SELENOI: variants seen among roughly 807,000 people sequenced by gnomAD.
The protein encoded by SELENOI is selenoprotein I.
SELENOI carries 24 observed loss-of-function variants against 50.7 expected under a neutral mutation model. The ratio of observed to expected loss-of-function variants is 0.47; its 90% CI spans 0.34 to 0.67. The LOEUF (loss-of-function observed/expected upper bound fraction) is 0.67, where lower values mean the gene tolerates loss of function less well. Among genes scored for constraint, SELENOI ranks in the 30% least tolerant of loss-of-function variants. SELENOI has a pLI of 0.01. For synonymous variants in SELENOI, 155 were observed against 170.2 expected (o/e 0.91, Z 0.70); for missense variants, 352 against 461.4 (o/e 0.76, Z 2.17).
Position 26,390,251 on chromosome 2 carries a change from G to T in SELENOI, c.*1148G>T, listed in dbSNP as rs962906365. ...TAAAAATCCCTTTAATTGTAGTGTA[G>T]TTGTTCTATAAACCATATTTTTTCA... On this transcript the variant is annotated 3_prime_UTR_variant, in exon 10 of 10. Transcript: ENST00000260585. 1 of 152,190 alleles carries T rather than the reference G, an allele frequency of 6.6e-6. No homozygotes were observed. Among genetic ancestry groups the T allele is most frequent in the Non-Finnish European group, 1.5e-5 (1 of 67,978 alleles). 9.4% of individuals were successfully genotyped at this position (152,190 alleles called of 1,614,324 possible). A position where few individuals can be genotyped will look rare whatever the true frequency, so the allele number is the denominator to read the frequency against.
chr2:26,373,511 G>T lies in SELENOI; in HGVS notation c.455G>T (p.Ser152Ile). 2 of 1,614,010 alleles carry T rather than the reference G, an allele frequency of 1.2e-6. No homozygotes were observed. The highest frequency in any genetic ancestry group is 1.7e-6 in the Non-Finnish European group (2 of 1,179,884). The change falls in exon 5 of 10, where the codon AGT (serine) becomes ATT (isoleucine). Residue 152 changes from serine (S) to isoleucine (I), a missense_variant. By Grantham distance (142) the Ser-to-Ile change is moderately radical. Transcript: ENST00000260585. ...TTTGGAAGAGGATCAACTGGTGTCA[G>T]TGTTTTTGTTCTTTATCTCCTGCTA... Reference protein sequence around the residue: ...SIFGRGSTGVSVFVLYLLLWV... With the variant: ...SIFGRGSTGVIVFVLYLLLWV...
chr2:26,373,658 A>G (rs751259315), intron 5 of SELENOI, 29 bp downstream of exon 5: 3 of 1,600,618 alleles, frequency 1.9e-6, no homozygotes, highest in Non-Finnish European at 2.6e-6. Context: ...TTAAATTTTC[A>G]GTATTACCAT....
chr2:26,377,694 A>G (rs1677597497), intron 6 of SELENOI, among the ~76,000 whole-genome samples: 1 of 151,778 alleles, frequency 6.6e-6, no homozygotes, highest in Admixed American at 6.6e-5. Context: ...TAAACTTTCT[A>G]TTTCTCTGTT....
At chr2:26,366,991 C>A (rs1265210690) in intron 3 of SELENOI, among the ~76,000 whole-genome samples, 155 bp from the exon 4 acceptor site, 1 of 152,094 alleles carries the variant, frequency 6.6e-6, no homozygotes, top group Non-Finnish European at 1.5e-5. Flanking sequence ...TTATCAGTTT[C>A]CTGGTATTAT....
chr2:26,359,511 C>T (rs562462244), intron 1 of SELENOI, among the ~76,000 whole-genome samples: 4 of 151,978 alleles, frequency 2.6e-5, no homozygotes, highest in South Asian at 2.1e-4. Context: ...GGTGTGGTGG[C>T]GGGTGCCTGT....
chr2:26,363,491 A>G (rs1036240960), intron 1 of SELENOI, among the ~76,000 whole-genome samples: 2 of 152,220 alleles, frequency 1.3e-5, no homozygotes, highest in African/African-American at 4.8e-5. Flanking sequence ...ACATGTAAGC[A>G]ATAAAAATTT....
intron 5 of SELENOI, among the ~76,000 whole-genome samples, chr2:26,374,319 C>T (rs1341667358): frequency 6.6e-6 from 1 of 152,016 alleles, no homozygotes; most frequent in Non-Finnish European, 1.5e-5. Flanking sequence ...ACTTTAATGG[C>T]CTTGCTATTA....
chr2:26,367,106 A>C, intron 3 of SELENOI, 40 bp from the exon 4 acceptor site: 1 of 1,540,566 alleles, frequency 6.5e-7, no homozygotes, highest in South Asian at 1.2e-5. Context: ...GAACTACTGT[A>C]CTTAAACTGT....
intron 3 of SELENOI, among the ~76,000 whole-genome samples, chr2:26,365,722 C>T (rs1048842401): frequency 6.6e-6 from 1 of 151,436 alleles, no homozygotes; most frequent in Admixed American, 6.6e-5. Flanking sequence ...CTTTTCTGGA[C>T]TGACCTGGAG....
In SELENOI at chr2:26,384,954, T is replaced by TC; in HGVS notation, c.732-3dup. On this transcript the variant is annotated splice_region_variant and splice_polypyrimidine_tract_variant and intron_variant, in intron 7 of 9. Transcript: ENST00000260585. ...TTCTTTATATTACTTGATTTTTTTT[T>TC]CCAGAAGCTATAAAAATAACACCTT... 3 of 1,598,318 alleles carry TC rather than the reference T, an allele frequency of 1.9e-6. No individual in the cohort carries two copies. Among genetic ancestry groups the TC allele is most frequent in the Non-Finnish European group, 2.6e-6 (3 of 1,173,188 alleles).
chr2:26,363,199 G>A (rs6546938), intron 1 of SELENOI, among the ~76,000 whole-genome samples: 131,013 of 152,166 alleles, frequency 0.86, 57,468 homozygotes, highest in Middle Eastern at 0.94. Flanking sequence ...TAATACTTAC[G>A]TAGTACTTAC....
chr2:26,365,811 T>C (rs951381303), intron 3 of SELENOI, among the ~76,000 whole-genome samples: 5 of 117,284 alleles, frequency 4.3e-5, no homozygotes, highest in Non-Finnish European at 9.9e-5. Flanking sequence ...TTTTTTTTTT[T>C]TTTTTTTTGA....
At chr2:26,352,711 G>A (rs1024868869) in intron 1 of SELENOI, among the ~76,000 whole-genome samples, 1 of 152,086 alleles carries the variant, frequency 6.6e-6, no homozygotes, top group Non-Finnish European at 1.5e-5. Context: ...TTGAATCTGG[G>A]AGGTGGAGGT....
At chr2:26,364,078 CTT>C (rs59396679) in intron 1 of SELENOI, among the ~76,000 whole-genome samples, 45,007 of 114,380 alleles carry the variant, frequency 0.39, 7,446 homozygotes, top group Non-Finnish European at 0.44. Flanking sequence ...CTTTCTCCCC[CTT>C]TTTTTTTTTT....
intron 4 of SELENOI, 54 bp downstream of exon 4, chr2:26,367,274 T>C: frequency 7.5e-7 from 1 of 1,340,604 alleles, no homozygotes; most frequent in Non-Finnish European, 1.0e-6. Flanking sequence ...TCAGCAAGGA[T>C]AGCCACGTAT....
At chr2:26,359,527 C>T (rs1210296410) in intron 1 of SELENOI, among the ~76,000 whole-genome samples, 1 of 152,052 alleles carries the variant, frequency 6.6e-6, no homozygotes, top group Non-Finnish European at 1.5e-5. Context: ...CCTGTAATCC[C>T]AACTACTCAA....
Position 26,389,079 on chromosome 2 carries a change from G to T in SELENOI, c.1170G>T (p.Met390Ile). Residue 390 changes from methionine to isoleucine, a missense_variant, in exon 10 of 10, where the codon ATG (methionine) becomes ATT (isoleucine). Transcript: ENST00000260585. Reference protein sequence around the residue: ...LRKPNSDULGMEEKNIGL With the variant: ...LRKPNSDULGIEEKNIGL ...AACCAAACTCAGATTGACTAGGAAT[G>T]GAAGAAAAGAATATTGGCCTGTAAT... is the stretch of plus-strand genomic sequence containing the variant. 6.3e-7 allele frequency: 1 copy of T among 1,581,408 alleles called. No individual in the cohort carries two copies. Among genetic ancestry groups the T allele is most frequent in the Non-Finnish European group, 8.6e-7 (1 of 1,162,174 alleles).
chr2:26,359,427 G>A (rs1210889545), intron 1 of SELENOI, among the ~76,000 whole-genome samples: 4 of 152,162 alleles, frequency 2.6e-5, no homozygotes, highest in South Asian at 2.1e-4. Flanking sequence ...CAGATCACCT[G>A]AGGTCAGGGG....
At chr2:26,373,892 C>T (rs1302895273) in intron 5 of SELENOI, among the ~76,000 whole-genome samples, 1 of 152,114 alleles carries the variant, frequency 6.6e-6, no homozygotes, top group Non-Finnish European at 1.5e-5. Context: ...GCTGAGATTA[C>T]AGGTGCCCAC....
Sources: allele counts gnomAD v4.1 joint callset (sites outside exome capture counted in the v4.1 genomes callset), GRCh38; gene constraint gnomAD v4.1.1; transcripts MANE v1.5; gene names NCBI Gene and HGNC (gene_info 2026-07-23, HGNC 2026-07-21).